The following NAPB variants were observed in gnomAD, a reference collection of about 807,000 sequenced individuals.
The protein encoded by NAPB is beta-soluble NSF attachment protein.
In NAPB, 26 loss-of-function variants were observed where a neutral mutation model predicts 44.7. The ratio of observed to expected loss-of-function variants is 0.58; its 90% CI spans 0.43 to 0.81. NAPB has a LOEUF of 0.81. Among genes scored for constraint, NAPB ranks in the 30% least tolerant of loss-of-function variants. NAPB has a pLI of 0.00. For missense variants in NAPB, 315 were observed against 356.4 expected, an observed-to-expected ratio of 0.88 and a Z score of 0.94; for synonymous variants, 120 against 116.8, an observed-to-expected ratio of 1.03 and a Z score of -0.18.
intron 7 of NAPB, among the ~76,000 whole-genome samples, chr20:23,383,110 G>C: frequency 6.9e-6 from 1 of 145,170 alleles, no homozygotes; most frequent in African/African-American, 2.6e-5. Context: ...AGACAAGATT[G>C]CGCCATTAAA....
intron 7 of NAPB, among the ~76,000 whole-genome samples, chr20:23,387,249 A>G (rs1031521232): frequency 2.0e-5 from 3 of 152,168 alleles, no homozygotes; most frequent in Admixed American, 2.0e-4. Flanking sequence ...TGATAAAAGC[A>G]TTTACCAAAA....
intron 5 of NAPB, among the ~76,000 whole-genome samples, chr20:23,390,966 C>T (rs1983913393): frequency 6.6e-6 from 1 of 152,142 alleles, no homozygotes; most frequent in African/African-American, 2.4e-5. Flanking sequence ...GCTAGAAGTC[C>T]TTGTCATGCT....
intron 7 of NAPB, among the ~76,000 whole-genome samples, chr20:23,383,850 G>A (rs185861966): frequency 6.6e-6 from 1 of 152,262 alleles, no homozygotes; most frequent in East Asian, 1.9e-4. Context: ...ATTGACTCAT[G>A]TGGTTCTAAA....
intron 7 of NAPB, among the ~76,000 whole-genome samples, chr20:23,383,974 C>A (rs939733359): frequency 4.6e-5 from 7 of 152,142 alleles, no homozygotes; most frequent in Non-Finnish European, 1.0e-4. Flanking sequence ...TGACACCAAC[C>A]TACAGCATTT....
Position 23,381,174 on chromosome 20 carries a change from T to C in NAPB, c.666+39A>G, listed in dbSNP as rs376336066. The C allele has an allele frequency of 3.6e-5, 49 of 1,357,558 alleles. No individual in the cohort carries two copies. In the African/African-American group the frequency reaches 4.9e-4, roughly 13 times the overall value. The allele number at this position is 1,357,558 out of a possible 1,614,324, so 84.1% of individuals were successfully genotyped here. On this transcript the variant is annotated intron_variant, in intron 8 of 10. Transcript: ENST00000377026. The stretch of plus-strand genomic sequence containing the variant: ...AAGAGAGAATGTGTACGTATTCTTA[T>C]GGGTGAAATCAGTCAATCAATGCTG...
intron 7 of NAPB, among the ~76,000 whole-genome samples, chr20:23,387,503 A>C (rs140972420): frequency 1.2e-4 from 19 of 152,324 alleles, no homozygotes; most frequent in African/African-American, 2.9e-4. Flanking sequence ...AAATCCACAC[A>C]AAAAAACCTA....
chr20:23,416,547 T>A (rs904195102), intron 1 of NAPB, among the ~76,000 whole-genome samples: 1 of 152,038 alleles, frequency 6.6e-6, no homozygotes, highest in Non-Finnish European at 1.5e-5. Flanking sequence ...CTTGAGCCTC[T>A]ACCTGGTCTC....
At chr20:23,391,677 T>A (rs1238021038) in intron 5 of NAPB, among the ~76,000 whole-genome samples, 1 of 152,220 alleles carries the variant, frequency 6.6e-6, no homozygotes, top group Non-Finnish European at 1.5e-5. Flanking sequence ...ACACAAGATA[T>A]AAATGAATAA....
intron 7 of NAPB, among the ~76,000 whole-genome samples, chr20:23,387,657 A>C (rs1358872002): frequency 6.6e-6 from 1 of 152,224 alleles, no homozygotes; most frequent in Non-Finnish European, 1.5e-5. Flanking sequence ...AAAAAAATAA[A>C]ATACTTTGGA....
At chr20:23,397,745 T>C (rs1984481697) in intron 2 of NAPB, among the ~76,000 whole-genome samples, 1 of 152,230 alleles carries the variant, frequency 6.6e-6, no homozygotes, top group African/African-American at 2.4e-5. Flanking sequence ...CTTTACTTTA[T>C]AGCAAAATCT....
chr20:23,396,238 G>C (rs6137931), intron 3 of NAPB, among the ~76,000 whole-genome samples: 11,567 of 152,240 alleles, frequency 0.076, 673 homozygotes, highest in East Asian at 0.3. Flanking sequence ...TTTAATGCCT[G>C]CACCATATTC....
In NAPB at chr20:23,377,164, C is replaced by T. The variant is rs1365393031; in HGVS notation, c.*212G>A. On this transcript the variant is annotated 3_prime_UTR_variant, in exon 11 of 11. Transcript: ENST00000377026. Reference sequence around the variant, plus strand: ...AGAAAACGCTGGGGGTTCTGATAAGCATGAAACAACCCATCATTACCACAA... The same window carrying T: ...AGAAAACGCTGGGGGTTCTGATAAGTATGAAACAACCCATCATTACCACAA... 2.9e-6 allele frequency: 1 copy of T among 345,320 alleles called. No individual in the cohort carries two copies. The highest frequency in any genetic ancestry group is 2.1e-5 in the African/African-American group (1 of 47,736). 21.4% of individuals were successfully genotyped at this position (345,320 alleles called of 1,614,324 possible).
At chr20:23,387,013 C>G (rs1177315537) in intron 7 of NAPB, among the ~76,000 whole-genome samples, 5 of 152,048 alleles carry the variant, frequency 3.3e-5, no homozygotes, top group Non-Finnish European at 7.4e-5. Flanking sequence ...CAATATTAAG[C>G]TGATTAGGAC....
chr20:23,420,054 G>A (rs575400833), intron 1 of NAPB, among the ~76,000 whole-genome samples: 16 of 152,336 alleles, frequency 1.1e-4, no homozygotes, highest in African/African-American at 3.4e-4. Context: ...TTAAGTATCT[G>A]CTCTTGGTAA....
At chr20:23,418,903 C>T (rs1409673057) in intron 1 of NAPB, among the ~76,000 whole-genome samples, 1 of 151,958 alleles carries the variant, frequency 6.6e-6, no homozygotes, top group Non-Finnish European at 1.5e-5. Flanking sequence ...GTTGACATCC[C>T]GCCACTGCAA....
chr20:23,416,339 A>G (rs1360551245), intron 1 of NAPB, among the ~76,000 whole-genome samples: 1 of 152,248 alleles, frequency 6.6e-6, no homozygotes, highest in Non-Finnish European at 1.5e-5. Flanking sequence ...ACCAAGCTGT[A>G]ACAACCTAAA....
At chr20:23,393,968 G>A (rs915602148) in intron 5 of NAPB, among the ~76,000 whole-genome samples, 3 of 152,132 alleles carry the variant, frequency 2.0e-5, no homozygotes, top group African/African-American at 7.2e-5. Context: ...AGGCCAGGAT[G>A]GCCATGCAGG....
chr20:23,407,967 T>C (rs1985370620), intron 1 of NAPB, among the ~76,000 whole-genome samples: 2 of 152,268 alleles, frequency 1.3e-5, no homozygotes, highest in Admixed American at 1.3e-4. Context: ...GGAGACATCG[T>C]AGAATTGTGA....
At chr20:23,412,511 A>G (rs1161572039) in intron 1 of NAPB, among the ~76,000 whole-genome samples, 2 of 152,244 alleles carry the variant, frequency 1.3e-5, no homozygotes, top group Non-Finnish European at 2.9e-5. Context: ...AAATCTATGT[A>G]CCAAAAACAC....
Sources: gnomAD v4.1 joint callset for allele counts (sites outside exome capture counted in the v4.1 genomes callset) on GRCh38, gnomAD v4.1.1 for gene constraint, MANE v1.5 for transcripts, NCBI Gene and HGNC (gene_info 2026-07-23, HGNC 2026-07-21) for gene names.